Variants in OVCH2 observed in about 807,000 individuals in gnomAD.
OVCH2 encodes the protein ovochymase-2.
OVCH2 carries 88 observed loss-of-function variants against 73.7 expected under a neutral mutation model. The ratio of observed to expected loss-of-function variants is 1.19; its 90% CI spans 1.01 to 1.43. The LOEUF (loss-of-function observed/expected upper bound fraction) is 1.43, where lower values mean the gene tolerates loss of function less well. Ranked by LOEUF, OVCH2 falls within the 40% of genes most tolerant of loss-of-function variation. The pLI is 0.00. For missense variants in OVCH2, 706 were observed against 674.5 expected (o/e 1.05, Z -0.52); for synonymous variants, 265 against 234.5 (o/e 1.13, Z -1.19).
chr11:7,684,435 T>A, the OVCH2 span, among the ~76,000 whole-genome samples: 41,103 of 150,692 alleles, frequency 0.27, 7,485 homozygotes, highest in African/African-American at 0.52. Context: ...ACCTTGGGAC[T>A]CTCTGCCTGG....
chr11:7,696,334 A>G (rs895810487), intron 10 of OVCH2, 131 bp downstream of exon 10: 17 of 1,333,632 alleles, frequency 1.3e-5, no homozygotes, highest in South Asian at 7.2e-5. Context: ...CCCACTCCCA[A>G]TTCTGAGTCT....
chr11:7,704,524 T>G (rs1856497892), intron 2 of OVCH2, 41 bp downstream of exon 2: 1 of 1,353,830 alleles, frequency 7.4e-7, no homozygotes. Context: ...ATCCATAATA[T>G]CTAGCACAGT....
At chr11:7,695,472 C>T in intron 11 of OVCH2, 98 bp downstream of exon 11, 1 of 1,234,132 alleles carries the variant, frequency 8.1e-7, no homozygotes, top group African/African-American at 1.5e-5. Context: ...GTCAGTTGGG[C>T]CTTGGGAGAG....
At chr11:7,681,280 T>C in the OVCH2 span, among the ~76,000 whole-genome samples, 1 of 152,258 alleles carries the variant, frequency 6.6e-6, no homozygotes, top group Non-Finnish European at 1.5e-5. Context: ...AATATGTTAA[T>C]GCTACCTGTT....
rs762601030 is a variant in OVCH2, at chr11:7,702,325, T to G, written c.295A>C (p.Ile99Leu). 8.2e-6 allele frequency: 13 copies of G among 1,588,270 alleles called. No individual in the cohort carries two copies. The highest frequency in any genetic ancestry group is 9.4e-6 in the Non-Finnish European group (11 of 1,171,044). Residue 99 changes from isoleucine (I) to leucine (L), a missense_variant, in exon 4 of 16, where the codon ATT (isoleucine) becomes CTT (leucine). By Grantham distance (5) the Ile-to-Leu change is conservative (BLOSUM62 2). Coordinates refer to ENST00000533663, the MANE Select transcript of OVCH2 (RefSeq NM_198185.7). ...GCAGTAACATTCAAAGTAGACACAA[T>G]GTTTCTATGGAAAGCAAAGAGTAAA... ...TAAHCIANRN[I>L]VSTLNVTAGE...
At chr11:7,697,322 G>A (rs999194354) in intron 8 of OVCH2, among the ~76,000 whole-genome samples, 3 of 152,178 alleles carry the variant, frequency 2.0e-5, no homozygotes, top group South Asian at 4.1e-4. Context: ...GATTACAGGC[G>A]TGAGCCACCT....
downstream of OVCH2, among the ~76,000 whole-genome samples, chr11:7,687,308 A>AAAT (rs71059120): frequency 0.066 from 8,692 of 132,396 alleles, 304 homozygotes; most frequent in Non-Finnish European, 0.091. Flanking sequence ...ATGGCTGTGG[A>AAAT]AATAATAATA....
chr11:7,681,853 CAAAAAAAAAA>C, the OVCH2 span, among the ~76,000 whole-genome samples: 3 of 92,992 alleles, frequency 3.2e-5, no homozygotes, highest in African/African-American at 6.9e-5. Flanking sequence ...GGGAAATGTC[CAAAAAAAAAA>C]AAAAAAAAAG....
At chr11:7,704,436 A>G (rs375711075) in intron 2 of OVCH2, 129 bp downstream of exon 2, 26 of 598,250 alleles carry the variant, frequency 4.3e-5, no homozygotes, top group African/African-American at 1.9e-4. Context: ...ATCACATGCC[A>G]TGATGACTAT....
the OVCH2 span, among the ~76,000 whole-genome samples, chr11:7,683,343 T>C: frequency 3.0e-4 from 46 of 152,226 alleles, no homozygotes; most frequent in South Asian, 6.2e-4. Flanking sequence ...AAAAGCCCCA[T>C]GGTCACCTTT....
rs114755876 is a variant in OVCH2 at position 7,704,687 on chromosome 11, C to A, written c.89-13G>T. Reference sequence around the variant, plus strand: ...CCACAACTGGGAGCTGAGAAAAAAACGAGACAAACTAAATGATTAGATAGC... The same window carrying A: ...CCACAACTGGGAGCTGAGAAAAAAAAGAGACAAACTAAATGATTAGATAGC... On this transcript the variant is annotated splice_polypyrimidine_tract_variant and intron_variant, in intron 1 of 15. Coordinates refer to ENST00000533663, the MANE Select transcript of OVCH2 (RefSeq NM_198185.7). 19 of 1,549,730 alleles carry A rather than the reference C, an allele frequency of 1.2e-5. No individual in the cohort carries two copies. In the South Asian group the frequency reaches 2.2e-4, roughly 18 times the overall value.
intron 1 of OVCH2, among the ~76,000 whole-genome samples, chr11:7,704,887 A>T (rs1388607249): frequency 6.6e-6 from 1 of 152,172 alleles, no homozygotes; most frequent in Non-Finnish European, 1.5e-5. Flanking sequence ...GTCCTGATTC[A>T]CAAGTTGGTA....
In OVCH2 at chr11:7,695,642, C is replaced by A; in HGVS notation, c.1210G>T (p.Val404Phe). The A allele has an allele frequency of 6.2e-7, 1 of 1,608,970 alleles. No individual in the cohort carries two copies. The highest frequency in any genetic ancestry group is 8.5e-7 in the Non-Finnish European group (1 of 1,179,754). Reference protein sequence around the residue: ...IGSNSLRLKFVSDATDNAAGF... With the variant: ...IGSNSLRLKFFSDATDNAAGF... Reference sequence around the variant, plus strand: ...GCTGCATTATCTGTGGCATCAGAGACGAATTTCAGCCTTAGAGAATTAGAG... The same window carrying A: ...GCTGCATTATCTGTGGCATCAGAGAAGAATTTCAGCCTTAGAGAATTAGAG... Residue 404 changes from valine (V) to phenylalanine (F), a missense_variant, in exon 11 of 16, where the codon GTC becomes TTC. Coordinates refer to ENST00000533663, the MANE Select transcript of OVCH2 (RefSeq NM_198185.7).
chr11:7,690,015 T>C lies in OVCH2; in HGVS notation c.1640-2A>G. On this transcript the variant is annotated splice_acceptor_variant, in intron 14 of 15. Transcript: ENST00000533663. LOFTEE classifies it high-confidence loss of function. ...TGGAGATGTTTAAATCTGGGTATAC[T>C]GGGTATAAGTATGATACAATTACTC... is the stretch of plus-strand genomic sequence containing the variant. The C allele has an allele frequency of 1.3e-6, 2 of 1,501,576 alleles. No individual in the cohort carries two copies. Among genetic ancestry groups the C allele is most frequent in the Non-Finnish European group, 1.8e-6 (2 of 1,115,676 alleles). The allele number at this position is 1,501,576 out of a possible 1,614,324, so 93.0% of individuals were successfully genotyped here.
chr11:7,684,514 G>A (rs890110672), downstream of OVCH2, among the ~76,000 whole-genome samples: 1 of 104,902 alleles, frequency 9.5e-6, no homozygotes, highest in African/African-American at 4.2e-5. Flanking sequence ...ATATGTGTGT[G>A]TGTGTGTGTG....
At chr11:7,698,016 T>C (rs1173407159) in intron 8 of OVCH2, among the ~76,000 whole-genome samples, 1 of 152,244 alleles carries the variant, frequency 6.6e-6, no homozygotes, top group East Asian at 1.9e-4. Flanking sequence ...TGTGCTTTTG[T>C]TGCTGTCTTC....
intron 12 of OVCH2, 60 bp downstream of exon 12, chr11:7,694,998 G>A: frequency 6.6e-7 from 1 of 1,511,440 alleles, no homozygotes; most frequent in Non-Finnish European, 8.9e-7. Flanking sequence ...ACCTCATGGT[G>A]CTTATGTTAG....
At position 7,698,749 on chromosome 11, in the gene OVCH2, C is replaced by T. The variant is rs867359609; in HGVS notation, c.925+1G>A. 6 of 1,612,466 alleles carry T rather than the reference C, an allele frequency of 3.7e-6. No individual in the cohort carries two copies. In the Middle Eastern group the frequency reaches 6.6e-4, roughly 177 times the overall value. On this transcript the variant is annotated splice_donor_variant, in intron 8 of 15. Transcript: ENST00000533663. LOFTEE classifies it high-confidence loss of function. ...TGGAGCAGCCTGCAAGGGATACCCACCTCTGGAGCTCTTTCTCCGATTACC... is the reference window on the plus strand; with the variant it reads ...TGGAGCAGCCTGCAAGGGATACCCATCTCTGGAGCTCTTTCTCCGATTACC...
chr11:7,693,772 T>G (rs1461976026), intron 12 of OVCH2, among the ~76,000 whole-genome samples: 1 of 152,224 alleles, frequency 6.6e-6, no homozygotes, highest in Non-Finnish European at 1.5e-5. Flanking sequence ...TGATCTTGTT[T>G]CTGCCATTAA....
Sources: gnomAD v4.1 joint callset for allele counts (sites outside exome capture counted in the v4.1 genomes callset) on GRCh38, gnomAD v4.1.1 for gene constraint, MANE v1.5 for transcripts, NCBI Gene and HGNC (gene_info 2026-07-23, HGNC 2026-07-21) for gene names.